Variants in NR3C2 observed in about 807,000 individuals in gnomAD.
NR3C2 encodes nuclear receptor subfamily 3 group C member 2, also known as mineralocorticoid receptor.
In NR3C2, 15 loss-of-function variants were observed where a neutral mutation model predicts 86.4. The ratio of observed to expected loss-of-function variants is 0.17; its 90% CI spans 0.12 to 0.27. The LOEUF (loss-of-function observed/expected upper bound fraction) is 0.27. NR3C2 is among the 10% of genes least tolerant of loss of function. NR3C2 has a pLI of 1.00. For synonymous variants in NR3C2, 458 were observed against 450.5 expected (o/e 1.02, Z -0.21); for missense variants, 960 against 1,195.6 (o/e 0.80, Z 2.91).
chr4:148,111,111 T>C (rs1024554305), intron 8 of NR3C2, among the ~76,000 whole-genome samples: 4 of 152,170 alleles, frequency 2.6e-5, no homozygotes, highest in Admixed American at 1.3e-4. Context: ...CCAGAAAATA[T>C]AAAGAACCCT....
rs192385635 is a variant in NR3C2, at chr4:148,278,960, C to T, written c.1758-18843G>A. On this transcript the variant is annotated intron_variant, in intron 2 of 8. Transcript: ENST00000358102. ...GGTAGATCACCTGAGGTCAGGAGTT[C>T]GAGACCAGCCTGGCCACATAGTGAA... Among the ~76,000 whole-genome samples, 501 of 151,760 alleles carry T rather than the reference C, an allele frequency of 3.3e-3. 5 individuals are homozygous for T. Among genetic ancestry groups the T allele is most frequent in the African/African-American group, 0.011 (456 of 41,374 alleles).
intron 3 of NR3C2, among the ~76,000 whole-genome samples, chr4:148,238,056 C>G (rs1208550820): frequency 6.6e-6 from 1 of 152,116 alleles, no homozygotes; most frequent in Non-Finnish European, 1.5e-5. Flanking sequence ...TTTTTCCTAA[C>G]TCATCACTAC....
chr4:148,258,535 CACT>C (rs1221213473), intron 3 of NR3C2, among the ~76,000 whole-genome samples: 2 of 152,186 alleles, frequency 1.3e-5, no homozygotes, highest in Non-Finnish European at 2.9e-5. Flanking sequence ...CCTATCTGAT[CACT>C]ACATTTTCCA....
At chr4:148,415,714 G>A (rs1196255682) in intron 2 of NR3C2, among the ~76,000 whole-genome samples, 1 of 152,154 alleles carries the variant, frequency 6.6e-6, no homozygotes, top group Non-Finnish European at 1.5e-5. Context: ...CTACTTCTCT[G>A]TGAAAATGGT....
At chr4:148,202,115 C>A (rs1736752861) in intron 3 of NR3C2, among the ~76,000 whole-genome samples, 1 of 152,190 alleles carries the variant, frequency 6.6e-6, no homozygotes, top group Non-Finnish European at 1.5e-5. Flanking sequence ...GGAACATAGC[C>A]TTTTACATAT....
chr4:148,413,884 C>A (rs1395029598), intron 2 of NR3C2, among the ~76,000 whole-genome samples: 1 of 152,120 alleles, frequency 6.6e-6, no homozygotes, highest in East Asian at 1.9e-4. Context: ...TACTGGCAGG[C>A]ATTATGCAAA....
At chr4:148,441,120 T>C (rs1750318097) in intron 1 of NR3C2, among the ~76,000 whole-genome samples, 1 of 152,176 alleles carries the variant, frequency 6.6e-6, no homozygotes, top group African/African-American at 2.4e-5. Context: ...GAGAACCAGT[T>C]AGAACTGAGC....
In NR3C2 at chr4:148,137,513, T is replaced by C. The variant is rs1246627461; in HGVS notation, c.2510+14956A>G. 2.0e-5 allele frequency among the ~76,000 whole-genome samples: 3 copies of C among 152,328 alleles called. 1 individual carries two copies. The highest frequency in any genetic ancestry group is 1.9e-4 in the East Asian group (1 of 5,190). Reference sequence around the variant, plus strand: ...TTTGCTACTAGACTATGAGCCCTTTTAGGGACTATGTTCTATCTAGCTTTG... The same window carrying C: ...TTTGCTACTAGACTATGAGCCCTTTCAGGGACTATGTTCTATCTAGCTTTG... On this transcript the variant is annotated intron_variant, in intron 6 of 8. Coordinates refer to ENST00000358102, the MANE Select transcript of NR3C2 (RefSeq NM_000901.5).
rs78340135 is a variant in NR3C2 at position 148,308,702 on chromosome 4, T to C, written c.1758-48585A>G. Among the ~76,000 whole-genome samples, 358 of 152,190 alleles carry C rather than the reference T, an allele frequency of 2.4e-3. 11 individuals carry two copies. The East Asian group carries it at 0.058, about 25-fold the overall frequency. ...GGGATGGCTATAGTTAACAACAACA[T>C]GTTTCCAGGCCAGGCTTAGTGGCCT... On this transcript the variant is annotated intron_variant, in intron 2 of 8. Transcript: ENST00000358102.
At chr4:148,147,883 T>C (rs1406820169) in intron 6 of NR3C2, among the ~76,000 whole-genome samples, 1 of 152,204 alleles carries the variant, frequency 6.6e-6, no homozygotes, top group African/African-American at 2.4e-5. Flanking sequence ...AGTTCACACC[T>C]CACTGGGATC....
chr4:148,377,960 A>G (rs2126426123), intron 2 of NR3C2, among the ~76,000 whole-genome samples: 1 of 152,290 alleles, frequency 6.6e-6, no homozygotes, highest in Admixed American at 6.5e-5. Context: ...CCTTAGTGTC[A>G]ATGCAAAGGG....
intron 2 of NR3C2, among the ~76,000 whole-genome samples, chr4:148,321,983 T>G (rs561275657): frequency 6.6e-6 from 1 of 152,356 alleles, no homozygotes; most frequent in South Asian, 2.1e-4. Context: ...TTGATGGTCT[T>G]TACATTTTGG....
At chr4:148,287,353 A>C (rs1357786460) in intron 2 of NR3C2, among the ~76,000 whole-genome samples, 1 of 152,194 alleles carries the variant, frequency 6.6e-6, no homozygotes, top group African/African-American at 2.4e-5. Context: ...CTTGATGTGC[A>C]TCATTCAGCA....
At chr4:148,323,601 GT>G (rs2149957902) in intron 2 of NR3C2, among the ~76,000 whole-genome samples, 1 of 152,096 alleles carries the variant, frequency 6.6e-6, no homozygotes, top group Non-Finnish European at 1.5e-5. Flanking sequence ...TTTTCAGCCC[GT>G]CGGAAAAGCG....
intron 2 of NR3C2, among the ~76,000 whole-genome samples, chr4:148,372,843 T>C (rs1746486943): frequency 6.6e-6 from 1 of 152,330 alleles, no homozygotes; most frequent in South Asian, 2.1e-4. Context: ...GTTTAACCCC[T>C]TTTAAGAACT....
intron 3 of NR3C2, among the ~76,000 whole-genome samples, chr4:148,209,467 G>A (rs1325937247): frequency 6.6e-6 from 1 of 151,994 alleles, no homozygotes; most frequent in African/African-American, 2.4e-5. Context: ...TTTTTTGCGG[G>A]GTGGGTGGGA....
chr4:148,363,555 T>C (rs950064469), intron 2 of NR3C2, among the ~76,000 whole-genome samples: 2 of 134,634 alleles, frequency 1.5e-5, no homozygotes, highest in Admixed American at 1.7e-4. Context: ...CCAGGCCGGA[T>C]TGCAGTGGCG....
At chr4:148,257,738 C>G (rs1248611549) in intron 3 of NR3C2, among the ~76,000 whole-genome samples, 1 of 151,996 alleles carries the variant, frequency 6.6e-6, no homozygotes, top group East Asian at 1.9e-4. Flanking sequence ...AAAGAGTAAA[C>G]TAACAAAAAA....
At chr4:148,096,313 C>T (rs1336892732) in intron 8 of NR3C2, among the ~76,000 whole-genome samples, 2 of 152,172 alleles carry the variant, frequency 1.3e-5, no homozygotes, top group African/African-American at 2.4e-5. Flanking sequence ...TTTTCCTAAT[C>T]TTGTTTTCAA....
Sources: gnomAD v4.1 joint callset for allele counts (sites outside exome capture counted in the v4.1 genomes callset) on GRCh38, gnomAD v4.1.1 for gene constraint, MANE v1.5 for transcripts, NCBI Gene and HGNC (gene_info 2026-07-23, HGNC 2026-07-21) for gene names.